The following PIEZO2 variants were observed in gnomAD, a reference collection of about 807,000 sequenced individuals.
PIEZO2 encodes piezo-type mechanosensitive ion channel component 2.
In PIEZO2, 172 loss-of-function variants were observed where a neutral mutation model predicts 337.3. That is an observed-to-expected ratio of 0.51 (90% confidence interval 0.45 to 0.58). The LOEUF (loss-of-function observed/expected upper bound fraction) is 0.58. Among genes scored for constraint, PIEZO2 ranks in the 20% least tolerant of loss-of-function variants. The probability of loss-of-function intolerance (pLI) is 0.00; values close to 1 mark genes in which losing one functional copy is unlikely to be tolerated. For synonymous variants in PIEZO2, 1,251 were observed against 1,228.5 expected (o/e 1.02, Z -0.38); for missense variants, 3,028 against 3,391.3 (o/e 0.89, Z 2.66).
At chr18:11,141,477 G>C (rs1025025658) in intron 1 of PIEZO2, among the ~76,000 whole-genome samples, 3 of 152,180 alleles carry the variant, frequency 2.0e-5, no homozygotes, top group Admixed American at 2.0e-4. Flanking sequence ...GGAGGCTTGA[G>C]GTTCTGCATG....
At chr18:10,965,781 C>A (rs1405290501) in intron 3 of PIEZO2, among the ~76,000 whole-genome samples, 2 of 152,100 alleles carry the variant, frequency 1.3e-5, no homozygotes, top group Non-Finnish European at 2.9e-5. Context: ...AAGACTATGG[C>A]AGAAATGAAG....
At chr18:11,145,892 G>A (rs1484947595) in intron 1 of PIEZO2, among the ~76,000 whole-genome samples, 1 of 152,158 alleles carries the variant, frequency 6.6e-6, no homozygotes, top group Non-Finnish European at 1.5e-5. Flanking sequence ...CCAGCCAGGG[G>A]CCAGTCCACC....
rs896238946 is a variant in PIEZO2 at position 10,877,130 on chromosome 18, T to C, written c.330-5715A>G. 1.3e-5 allele frequency among the ~76,000 whole-genome samples: 2 copies of C among 152,248 alleles called. No homozygotes were observed. Among genetic ancestry groups the C allele is most frequent in the Non-Finnish European group, 2.9e-5 (2 of 68,042 alleles). ...CTCTTCTCTACGTCCTACTTAATTG[T>C]TGATGAGTCCACAAAATTCTGTTCT... On this transcript the variant is annotated intron_variant, in intron 4 of 55. Transcript: ENST00000674853. This position sits in a 1 kb window ranked among gnomAD's most constrained non-coding sequence, Gnocchi z 5.3.
intron 33 of PIEZO2, chr18:10,737,979 A>T (rs1446896788): frequency 1.3e-5 from 2 of 152,170 alleles, no homozygotes; most frequent in Non-Finnish European, 2.9e-5. Flanking sequence ...ATTTCAGAAA[A>T]ATCTGAAGCC....
Position 10,993,468 on chromosome 18 carries a change from C to A in PIEZO2, c.161-13808G>T, listed in dbSNP as rs184865974. Among the ~76,000 whole-genome samples, 72 of 152,256 alleles carry A rather than the reference C, an allele frequency of 4.7e-4. 1 individual carries two copies. On this transcript the variant is annotated intron_variant, in intron 2 of 55. Transcript: ENST00000674853. The surrounding 1 kb of genome is among the most constrained non-coding windows in gnomAD (Gnocchi z 5.0). The stretch of plus-strand genomic sequence containing the variant: ...CCTTTTCTGCATCTATTGAGATAAT[C>A]ATGTCGTTTTTGTCATTGGTTCTGT...
At chr18:10,786,821 A>G (rs142457990) in intron 16 of PIEZO2, among the ~76,000 whole-genome samples, 8 of 152,274 alleles carry the variant, frequency 5.3e-5, no homozygotes, top group Admixed American at 2.0e-4. Context: ...ATGTCATTTC[A>G]TTAAAATTCT....
chr18:10,967,926 A>ATTC (rs2034079482), intron 3 of PIEZO2, among the ~76,000 whole-genome samples: 1 of 151,920 alleles, frequency 6.6e-6, no homozygotes, highest in Non-Finnish European at 1.5e-5. Flanking sequence ...TATTATTATT[A>ATTC]TTACTTTGCT....
At chr18:11,037,549 T>C (rs543350712) in intron 2 of PIEZO2, among the ~76,000 whole-genome samples, 11 of 152,352 alleles carry the variant, frequency 7.2e-5, no homozygotes, top group African/African-American at 2.4e-4. Flanking sequence ...TTGTGAAATA[T>C]GGACTTTATG....
At chr18:10,712,627 A>T (rs2035863783) in intron 39 of PIEZO2, among the ~76,000 whole-genome samples, 1 of 152,266 alleles carries the variant, frequency 6.6e-6, no homozygotes, top group South Asian at 2.1e-4. Flanking sequence ...TTTCAGGAAG[A>T]CACAGTGACG....
At position 10,846,421 on chromosome 18, in the gene PIEZO2, T is replaced by TA. The variant is rs1462632191; in HGVS notation, c.917+8931dup. 6.6e-6 allele frequency among the ~76,000 whole-genome samples: 1 copy of TA among 152,164 alleles called. No individual in the cohort carries two copies. The highest frequency in any genetic ancestry group is 1.9e-4 in the East Asian group (1 of 5,202). Reference sequence around the variant, plus strand: ...TGGGGTCATAGCAAAACCTATCACTTAGAGTTCAAGAAAATCAAGTTTTAC... The same window carrying TA: ...TGGGGTCATAGCAAAACCTATCACTTAAGAGTTCAAGAAAATCAAGTTTTAC... On this transcript the variant is annotated intron_variant, in intron 7 of 55. Transcript: ENST00000674853. The surrounding 1 kb of genome is among the most constrained non-coding windows in gnomAD (Gnocchi z 4.1).
rs1424524438 is a variant in PIEZO2 at position 11,127,883 on chromosome 18, TG to T, written c.64+20641del. ...CTAATACAGATTTTGGTATCAGGAG[TG>T]GTTCTAGAGGAACAGAATATTAAGG... On this transcript the variant is annotated intron_variant, in intron 1 of 55. Coordinates refer to ENST00000674853, the MANE Select transcript of PIEZO2 (RefSeq NM_001378183.1). This position sits in a 1 kb window ranked among gnomAD's most constrained non-coding sequence, Gnocchi z 4.5. Among the ~76,000 whole-genome samples, 4 of 149,694 alleles carry T rather than the reference TG, an allele frequency of 2.7e-5. No homozygotes were observed. Among genetic ancestry groups the T allele is most frequent in the Admixed American group, 6.7e-5 (1 of 14,852 alleles).
intron 1 of PIEZO2, among the ~76,000 whole-genome samples, chr18:11,074,063 G>A (rs1364787971): frequency 1.3e-5 from 2 of 151,956 alleles, no homozygotes; most frequent in Non-Finnish European, 2.9e-5. Flanking sequence ...AGCCAGGATG[G>A]TCTTGAACTT....
chr18:11,124,629 G>T (rs1473634522), intron 1 of PIEZO2, among the ~76,000 whole-genome samples: 2 of 152,036 alleles, frequency 1.3e-5, no homozygotes, highest in African/African-American at 2.4e-5. Flanking sequence ...CTCTAGACTG[G>T]CAGGCATGTG....
At position 11,116,165 on chromosome 18, in the gene PIEZO2, A is replaced by G. The variant is rs566197675; in HGVS notation, c.64+32360T>C. Reference sequence around the variant, plus strand: ...AACATTCTTCATAAAAGATTTTAGGACAATTATGCAAATAAAAACATGGCC... The same window carrying G: ...AACATTCTTCATAAAAGATTTTAGGGCAATTATGCAAATAAAAACATGGCC... On this transcript the variant is annotated intron_variant, in intron 1 of 55. Coordinates refer to ENST00000674853, the MANE Select transcript of PIEZO2 (RefSeq NM_001378183.1). The surrounding 1 kb of genome is among the most constrained non-coding windows in gnomAD (Gnocchi z 5.0). Among the ~76,000 whole-genome samples the G allele has an allele frequency of 3.3e-5, 5 of 152,312 alleles. No individual in the cohort carries two copies. In the South Asian group the frequency reaches 8.3e-4, roughly 25 times the overall value.
At position 11,148,445 on chromosome 18, in the gene PIEZO2, C is replaced by T. The variant is rs1245399303; in HGVS notation, c.64+80G>A. ...AATCGAACCCCAGAGCACCAGAGCC[C>T]TTCACTTTGTTAAGAAGTCCCCCAC... On this transcript the variant is annotated intron_variant, in intron 1 of 55. Coordinates refer to ENST00000674853, the MANE Select transcript of PIEZO2 (RefSeq NM_001378183.1). The surrounding 1 kb of genome is among the most constrained non-coding windows in gnomAD (Gnocchi z 5.2). 6.8e-6 allele frequency: 10 copies of T among 1,463,828 alleles called. No homozygotes were observed. The highest frequency in any genetic ancestry group is 2.4e-5 in the South Asian group (2 of 82,196). The allele number at this position is 1,463,828 out of a possible 1,614,324, so 90.7% of individuals were successfully genotyped here.
intron 8 of PIEZO2, among the ~76,000 whole-genome samples, chr18:10,806,282 G>A (rs546145826): frequency 8.0e-5 from 12 of 149,806 alleles, no homozygotes; most frequent in East Asian, 4.0e-4. Flanking sequence ...GAAAAGGTGC[G>A]GCCACCCTGT....
At chr18:10,742,794 A>C (rs1036765426) in intron 31 of PIEZO2, among the ~76,000 whole-genome samples, 179 bp from the exon 32 acceptor site, 3 of 118,262 alleles carry the variant, frequency 2.5e-5, no homozygotes, top group African/African-American at 1.3e-4. Flanking sequence ...TTTTATATAC[A>C]TATTTGTGTG....
At position 11,102,704 on chromosome 18, in the gene PIEZO2, C is replaced by A. The variant is rs1459510431; in HGVS notation, c.65-36482G>T. Among the ~76,000 whole-genome samples, 2 of 152,186 alleles carry A rather than the reference C, an allele frequency of 1.3e-5. No homozygotes were observed. The highest frequency in any genetic ancestry group is 2.9e-5 in the Non-Finnish European group (2 of 68,030). On this transcript the variant is annotated intron_variant, in intron 1 of 55. Coordinates refer to ENST00000674853, the MANE Select transcript of PIEZO2 (RefSeq NM_001378183.1). The surrounding 1 kb of genome is among the most constrained non-coding windows in gnomAD (Gnocchi z 5.7). Reference sequence around the variant, plus strand: ...GAAAGGCACTGCCCCCTTCCAATTGCAGACTGATTCCCCTCTGCCCATGAT... The same window carrying A: ...GAAAGGCACTGCCCCCTTCCAATTGAAGACTGATTCCCCTCTGCCCATGAT...
chr18:10,771,104 C>A (rs2038587678), intron 20 of PIEZO2, among the ~76,000 whole-genome samples: 1 of 152,190 alleles, frequency 6.6e-6, no homozygotes, highest in Non-Finnish European at 1.5e-5. Context: ...ATAATCTTAA[C>A]TCCTTCTAAA....
Sources: allele counts gnomAD v4.1 joint callset (sites outside exome capture counted in the v4.1 genomes callset), GRCh38; gene constraint gnomAD v4.1.1; non-coding constraint Gnocchi (gnomAD v3.1); transcripts MANE v1.5; gene names NCBI Gene and HGNC (gene_info 2026-07-23, HGNC 2026-07-21).